Variants in CPNE4 observed in about 807,000 individuals in gnomAD.
CPNE4 encodes copine-4.
In CPNE4, 25 loss-of-function variants were observed where a neutral mutation model predicts 67.9. The ratio of observed to expected loss-of-function variants is 0.37; its 90% CI spans 0.27 to 0.51. CPNE4 has a LOEUF of 0.51. CPNE4 is among the 20% of genes least tolerant of loss of function. The pLI is 0.93. For missense variants in CPNE4, 464 were observed against 690.8 expected, an observed-to-expected ratio of 0.67 and a Z score of 3.68; for synonymous variants, 242 against 244.9, an observed-to-expected ratio of 0.99 and a Z score of 0.11.
At chr3:131,634,296 T>A (rs1447390812) in intron 7 of CPNE4, among the ~76,000 whole-genome samples, 1 of 152,180 alleles carries the variant, frequency 6.6e-6, no homozygotes, top group South Asian at 2.1e-4. Context: ...TTAATAAGTT[T>A]ATAATACATA....
intron 7 of CPNE4, among the ~76,000 whole-genome samples, chr3:131,654,977 T>A (rs1223145388): frequency 6.6e-6 from 1 of 152,232 alleles, no homozygotes; most frequent in African/African-American, 2.4e-5. Flanking sequence ...GCTTTCTTCT[T>A]GCCTTAAAAC....
rs72999237 is a variant in CPNE4, at chr3:131,588,320, G to T, written c.682-738C>A. On this transcript the variant is annotated intron_variant, in intron 7 of 15. Transcript: ENST00000429747. ...AGACTGAATCAGCAGCAATCCCTGT[G>T]CTTGGTCACACATCTAAGTGAAGAG... Among the ~76,000 whole-genome samples the T allele has an allele frequency of 2.2e-3, 337 of 152,280 alleles. 1 individual carries two copies. The highest frequency in any genetic ancestry group is 7.8e-3 in the African/African-American group (323 of 41,554).
At position 131,945,682 on chromosome 3, in the gene CPNE4, C is replaced by G. The variant is rs975980649; in HGVS notation, c.-1-40238G>C. Among the ~76,000 whole-genome samples the G allele has an allele frequency of 4.6e-5, 7 of 152,068 alleles. No individual in the cohort carries two copies. In the East Asian group the frequency reaches 1.3e-3, roughly 29 times the overall value. Reference sequence around the variant, plus strand: ...TCTTTCTACCTACTCTGTTCTCTTCCCACTTTATTTTTTGTAGTTATTTCC... The same window carrying G: ...TCTTTCTACCTACTCTGTTCTCTTCGCACTTTATTTTTTGTAGTTATTTCC... On this transcript the variant is annotated intron_variant, in intron 1 of 15. Transcript: ENST00000429747.
At chr3:131,692,094 T>C (rs2081047804) in intron 5 of CPNE4, among the ~76,000 whole-genome samples, 1 of 152,154 alleles carries the variant, frequency 6.6e-6, no homozygotes, top group Non-Finnish European at 1.5e-5. Flanking sequence ...TTTAGTTCAA[T>C]ATAAAAGAAA....
intron 15 of CPNE4, among the ~76,000 whole-genome samples, chr3:131,538,375 T>G (rs1935287994): frequency 6.6e-6 from 1 of 152,152 alleles, no homozygotes; most frequent in South Asian, 2.1e-4. Context: ...TCCCAAAGGA[T>G]CCCCCATCCC....
At position 131,534,409 on chromosome 3, in the gene CPNE4, A is replaced by G. The variant is rs1935027370; in HGVS notation, c.*786T>C. On this transcript the variant is annotated 3_prime_UTR_variant, in exon 16 of 16. Coordinates refer to ENST00000429747, the MANE Select transcript of CPNE4 (RefSeq NM_130808.3). ...CACGCTGTTTTTGATGGTCTCCATC[A>G]TGACACCCTAAAGTCTAGATCCTCA... 1 of 152,204 alleles carries G rather than the reference A, an allele frequency of 6.6e-6. No individual in the cohort carries two copies. The highest frequency in any genetic ancestry group is 1.5e-5 in the Non-Finnish European group (1 of 68,040). 9.4% of individuals were successfully genotyped at this position (152,204 alleles called of 1,614,324 possible). A position where few individuals can be genotyped will look rare whatever the true frequency, so the allele number is the denominator to read the frequency against.
intron 7 of CPNE4, among the ~76,000 whole-genome samples, chr3:131,589,630 C>A (rs964163990): frequency 1.3e-5 from 2 of 152,182 alleles, no homozygotes; most frequent in African/African-American, 4.8e-5. Context: ...TAATATTAAC[C>A]CTCACACTTA....
intron 1 of CPNE4, among the ~76,000 whole-genome samples, chr3:131,952,403 C>T (rs2071769874): frequency 6.7e-6 from 1 of 150,184 alleles, no homozygotes; most frequent in Admixed American, 6.6e-5. Flanking sequence ...GCCTCTCCGC[C>T]CGGCAGCCAC....
chr3:131,645,404 A>G (rs1417978748), intron 7 of CPNE4, among the ~76,000 whole-genome samples: 1 of 152,194 alleles, frequency 6.6e-6, no homozygotes, highest in African/African-American at 2.4e-5. Flanking sequence ...TTAATTATCT[A>G]TCATAACATC....
intron 1 of CPNE4, among the ~76,000 whole-genome samples, chr3:132,015,360 A>G (rs990194840): frequency 6.6e-6 from 1 of 152,180 alleles, no homozygotes; most frequent in African/African-American, 2.4e-5. Flanking sequence ...ACCAGCAGGC[A>G]TATCTTCCCC....
At chr3:131,738,904 G>C (rs1159938581) in intron 2 of CPNE4, among the ~76,000 whole-genome samples, 1 of 145,680 alleles carries the variant, frequency 6.9e-6, no homozygotes, top group Admixed American at 7.0e-5. Context: ...GCCCAGGCTA[G>C]AGTGCAGTGG....
At chr3:131,771,926 C>G (rs779550195) in intron 2 of CPNE4, among the ~76,000 whole-genome samples, 5 of 152,250 alleles carry the variant, frequency 3.3e-5, no homozygotes, top group Middle Eastern at 6.8e-3. Context: ...AGCACACACA[C>G]ATTTCCAGAT....
chr3:131,577,338 T>C (rs1482426917), intron 9 of CPNE4, among the ~76,000 whole-genome samples: 1 of 152,140 alleles, frequency 6.6e-6, no homozygotes. Flanking sequence ...TGTCATTTAA[T>C]GATGGAAATA....
intron 2 of CPNE4, among the ~76,000 whole-genome samples, chr3:131,833,253 C>T (rs1189258444): frequency 6.6e-6 from 1 of 152,196 alleles, no homozygotes; most frequent in Non-Finnish European, 1.5e-5. Context: ...TAGATTAAGA[C>T]AGCAAGCCCA....
chr3:131,926,395 A>C (rs972329502), intron 1 of CPNE4, among the ~76,000 whole-genome samples: 3 of 152,210 alleles, frequency 2.0e-5, no homozygotes, highest in African/African-American at 4.8e-5. Context: ...AAGATGAAAA[A>C]TAATAATCCT....
chr3:131,760,974 C>A (rs1193871608), intron 2 of CPNE4, among the ~76,000 whole-genome samples: 1 of 151,994 alleles, frequency 6.6e-6, no homozygotes, highest in African/African-American at 2.4e-5. Flanking sequence ...ATAAAGAATT[C>A]CCTGAGGGAA....
At chr3:131,914,243 A>C (rs1484687231) in intron 1 of CPNE4, among the ~76,000 whole-genome samples, 1 of 152,140 alleles carries the variant, frequency 6.6e-6, no homozygotes, top group African/African-American at 2.4e-5. Context: ...CAAATACAGA[A>C]CTTATGCCCT....
At chr3:131,751,048 T>C (rs9818886) in intron 2 of CPNE4, among the ~76,000 whole-genome samples, 31,604 of 151,986 alleles carry the variant, frequency 0.21, 4,056 homozygotes, top group Non-Finnish European at 0.28. Flanking sequence ...AGGCAAAATG[T>C]CATTTTTCTT....
At chr3:131,755,397 T>C (rs1437264156) in intron 2 of CPNE4, among the ~76,000 whole-genome samples, 1 of 152,126 alleles carries the variant, frequency 6.6e-6, no homozygotes, top group African/African-American at 2.4e-5. Flanking sequence ...AGATGACTAT[T>C]GCTGAACTAC....
Sources: allele counts gnomAD v4.1 joint callset (sites outside exome capture counted in the v4.1 genomes callset), GRCh38; gene constraint gnomAD v4.1.1; transcripts MANE v1.5; gene names NCBI Gene and HGNC (gene_info 2026-07-23, HGNC 2026-07-21).